LRRC74A: variants seen among roughly 807,000 people sequenced by gnomAD.
LRRC74A encodes the protein leucine-rich repeat-containing protein 74A.
In LRRC74A, 44 loss-of-function variants were observed where a neutral mutation model predicts 57.9. The observed-to-expected ratio is 0.76, with a 90% CI of 0.60 to 0.98. The LOEUF is 0.98. LRRC74A is among the 50% of genes least tolerant of loss of function. LRRC74A has a pLI of 0.00. For synonymous variants in LRRC74A, 211 were observed against 219.4 expected, an observed-to-expected ratio of 0.96 and a Z score of 0.34; for missense variants, 572 against 574.0, an observed-to-expected ratio of 1.00 and a Z score of 0.04.
chr14:76,846,298 C>T (rs1037028512), intron 7 of LRRC74A, among the ~76,000 whole-genome samples: 1 of 152,098 alleles, frequency 6.6e-6, no homozygotes, highest in Non-Finnish European at 1.5e-5. Context: ...GACAACCGAG[C>T]GAAATAAGAA....
chr14:76,832,683 G>T (rs1490982180), intron 3 of LRRC74A, among the ~76,000 whole-genome samples: 1 of 152,152 alleles, frequency 6.6e-6, no homozygotes, highest in Admixed American at 6.5e-5. Flanking sequence ...CGGGACAAGG[G>T]GGATTAAATC....
At chr14:76,858,631 G>C (rs1898070696) in intron 10 of LRRC74A, among the ~76,000 whole-genome samples, 1 of 152,084 alleles carries the variant, frequency 6.6e-6, no homozygotes, top group Non-Finnish European at 1.5e-5. Context: ...GTCTCACTCT[G>C]TTGCCCAGGC....
At chr14:76,849,461 C>A (rs1897297899) in intron 7 of LRRC74A, among the ~76,000 whole-genome samples, 1 of 151,984 alleles carries the variant, frequency 6.6e-6, no homozygotes, top group African/African-American at 2.4e-5. Context: ...CGGGCCTGTG[C>A]TGTCTTTTAA....
Position 76,831,368 on chromosome 14 carries a change from C to A in LRRC74A, c.332C>A (p.Ala111Asp). 6.2e-7 allele frequency: 1 copy of A among 1,613,094 alleles called. No homozygotes were observed. The highest frequency in any genetic ancestry group is 8.5e-7 in the Non-Finnish European group (1 of 1,179,778). ...AGGGGTACCAAGGCTATTGCTATAG[C>A]CCTGGTGGTGAGCATGCTAGTGGGA... is the stretch of plus-strand genomic sequence containing the variant. ...GPRGTKAIAIALVSNMAVTKL... is the reference protein window; with the variant it reads ...GPRGTKAIAIDLVSNMAVTKL... Residue 111 changes from alanine (A) to aspartate (D), a missense_variant, in exon 3 of 14, where the codon GCC becomes GAC. Transcript: ENST00000689127.
chr14:76,844,471 C>A lies in LRRC74A; in HGVS notation c.593C>A (p.Ser198Ter). 1 of 1,611,466 alleles carries A rather than the reference C, an allele frequency of 6.2e-7. No homozygotes were observed. Among genetic ancestry groups the A allele is most frequent in the Non-Finnish European group, 8.5e-7 (1 of 1,178,952 alleles). ...GCAGCACTGCTCTGCCAAGCCCTGT[C>A]GGTAAGAGGCAGGGAGTGCAGCCAA... is the stretch of plus-strand genomic sequence containing the variant. Reference protein sequence around the residue: ...DSAALLCQALSTNYQIKKLDL... With the variant: ...DSAALLCQAL Residue 198 changes from serine (S) to a stop codon, truncating the protein, a stop_gained and splice_region_variant, in exon 6 of 14, where the codon TCG becomes TAG. Coordinates refer to ENST00000689127, the MANE Select transcript of LRRC74A (RefSeq NM_001385106.1). LOFTEE classifies it high-confidence loss of function.
At chr14:76,846,285 G>A (rs1280964990) in intron 7 of LRRC74A, among the ~76,000 whole-genome samples, 1 of 152,176 alleles carries the variant, frequency 6.6e-6, no homozygotes, top group African/African-American at 2.4e-5. Flanking sequence ...GTCAAAGGCT[G>A]CGGACAACCG....
Position 76,870,094 on chromosome 14 carries a change from C to G in LRRC74A, c.1392-31C>G, listed in dbSNP as rs1361980448. ...CATCAGCCATGAGGCTGTACGGGTG[C>G]TCAGCATCTTTCCCTTACCTTTCGT... is the stretch of plus-strand genomic sequence containing the variant. On this transcript the variant is annotated intron_variant, in intron 13 of 13. Transcript: ENST00000689127. 3.1e-6 allele frequency: 5 copies of G among 1,606,320 alleles called. No homozygotes were observed. The Admixed American group carries it at 8.5e-5, about 27-fold the overall frequency.
chr14:76,853,457 GTGTGTT>G (rs1897665385), intron 9 of LRRC74A, 47 bp downstream of exon 9: 7 of 1,272,610 alleles, frequency 5.5e-6, no homozygotes, highest in Non-Finnish European at 7.6e-6. Flanking sequence ...GTGTGTGTGT[GTGTGTT>G]TGTGTATGTG....
chr14:76,831,756 G>A (rs557470108), intron 3 of LRRC74A, among the ~76,000 whole-genome samples: 10 of 152,242 alleles, frequency 6.6e-5, no homozygotes, highest in Admixed American at 3.9e-4. Flanking sequence ...CACTTTTGCT[G>A]TAAATGGGTT....
intron 5 of LRRC74A, among the ~76,000 whole-genome samples, chr14:76,838,556 A>G (rs1313287288): frequency 6.6e-6 from 1 of 152,238 alleles, no homozygotes; most frequent in East Asian, 1.9e-4. Context: ...TTCCAGAAGG[A>G]GAAGAAATGA....
chr14:76,870,186 G>T lies in LRRC74A; in HGVS notation c.*37G>T, dbSNP rs1441161324. The stretch of plus-strand genomic sequence containing the variant: ...GTCTAGAAAGAAGTCTCGGCGAGAG[G>T]AGTCCTCGCAAGTCGGATGGTGGCA... On this transcript the variant is annotated 3_prime_UTR_variant, in exon 14 of 14. Coordinates refer to ENST00000689127, the MANE Select transcript of LRRC74A (RefSeq NM_001385106.1). The T allele has an allele frequency of 6.3e-7, 1 of 1,599,926 alleles. No individual in the cohort carries two copies. Among genetic ancestry groups the T allele is most frequent in the African/African-American group, 1.3e-5 (1 of 74,728 alleles).
At chr14:76,836,150 C>A (rs1351856879) in intron 3 of LRRC74A, 57 bp from the exon 4 acceptor site, 3 of 1,313,762 alleles carry the variant, frequency 2.3e-6, no homozygotes, top group Non-Finnish European at 2.2e-6. Context: ...GAGCAGGGAA[C>A]TGACTGGGTC....
intron 11 of LRRC74A, among the ~76,000 whole-genome samples, chr14:76,862,233 A>G (rs1479306727): frequency 6.6e-6 from 1 of 152,172 alleles, no homozygotes; most frequent in Non-Finnish European, 1.5e-5. Context: ...CCCACAGAAC[A>G]TAGAAAGTTT....
intron 1 of LRRC74A, among the ~76,000 whole-genome samples, chr14:76,827,461 T>C (rs1895654505): frequency 6.6e-6 from 1 of 152,196 alleles, no homozygotes; most frequent in Admixed American, 6.5e-5. Context: ...GCATGGCTTC[T>C]TGAAACTACT....
Position 76,844,442 on chromosome 14 carries a change from C to T in LRRC74A, c.564C>T (p.Asp188=), listed in dbSNP as rs141166642. Residue 188 remains aspartate (D), a synonymous_variant, in exon 6 of 14, where the codon GAC becomes GAT. Transcript: ENST00000689127. ...CTACAGGAAATGACTTCAAGGAAGA[C>T]TCCGCAGCACTGCTCTGCCAAGCCC... is the stretch of plus-strand genomic sequence containing the variant. ...LELSGNDFKE[D]SAALLCQALS... The T allele has an allele frequency of 6.2e-7, 1 of 1,612,528 alleles. No individual in the cohort carries two copies. The highest frequency in any genetic ancestry group is 1.3e-5 in the African/African-American group (1 of 74,900).
intron 11 of LRRC74A, among the ~76,000 whole-genome samples, chr14:76,863,445 TCCAC>T (rs1383640567): frequency 6.6e-6 from 1 of 152,162 alleles, no homozygotes; most frequent in Non-Finnish European, 1.5e-5. Context: ...GGCAGGTCCT[TCCAC>T]CTGGAACACT....
At chr14:76,845,027 C>A in intron 7 of LRRC74A, 126 bp downstream of exon 7, 1 of 623,484 alleles carries the variant, frequency 1.6e-6, no homozygotes, top group South Asian at 2.0e-5. Flanking sequence ...TAAACATGCC[C>A]AAAATACATT....
At chr14:76,859,841 A>G (rs544417172) in intron 10 of LRRC74A, among the ~76,000 whole-genome samples, 7 of 151,718 alleles carry the variant, frequency 4.6e-5, no homozygotes, top group African/African-American at 1.7e-4. Flanking sequence ...GCACCTGGCT[A>G]ATTTTTTTGT....
chr14:76,841,360 G>A (rs61989407), intron 5 of LRRC74A, among the ~76,000 whole-genome samples: 24,307 of 152,210 alleles, frequency 0.16, 2,195 homozygotes, highest in Non-Finnish European at 0.2. Flanking sequence ...TGTTTCGTGT[G>A]TGAGTGGGCA....
Sources: allele counts gnomAD v4.1 joint callset (sites outside exome capture counted in the v4.1 genomes callset), GRCh38; gene constraint gnomAD v4.1.1; transcripts MANE v1.5; gene names NCBI Gene and HGNC (gene_info 2026-07-23, HGNC 2026-07-21).